The following PARD3 variants were observed in gnomAD, a reference collection of about 807,000 sequenced individuals.
PARD3 encodes the protein partitioning defective 3 homolog.
Under a neutral mutation model 155.4 loss-of-function variants are expected in PARD3, and 75 were observed. The observed-to-expected ratio is 0.48, with a 90% CI of 0.40 to 0.58. The LOEUF (loss-of-function observed/expected upper bound fraction) is 0.58, where lower values mean the gene tolerates loss of function less well. Among genes scored for constraint, PARD3 ranks in the 20% least tolerant of loss-of-function variants. PARD3 has a pLI of 0.00. For missense variants in PARD3, 1,642 were observed against 1,721.7 expected (o/e 0.95, Z 0.82); for synonymous variants, 576 against 610.5 (o/e 0.94, Z 0.83).
At chr10:34,639,418 G>GA (rs71903377) in intron 2 of PARD3, among the ~76,000 whole-genome samples, 26 of 151,756 alleles carry the variant, frequency 1.7e-4, no homozygotes, top group African/African-American at 4.6e-4. Flanking sequence ...AAAACACAAG[G>GA]AAAAAAAACA....
At chr10:34,690,735 C>A (rs564293044) in intron 2 of PARD3, among the ~76,000 whole-genome samples, 1 of 152,214 alleles carries the variant, frequency 6.6e-6, no homozygotes, top group East Asian at 1.9e-4. Context: ...ATGGCAGAAC[C>A]CCGAGGGAAA....
At chr10:34,464,020 A>G (rs1376382299) in intron 4 of PARD3, among the ~76,000 whole-genome samples, 2 of 151,854 alleles carry the variant, frequency 1.3e-5, no homozygotes, top group Non-Finnish European at 2.9e-5. Context: ...AATTCTCAGG[A>G]TGTATCTCTG....
intron 22 of PARD3, among the ~76,000 whole-genome samples, chr10:34,225,438 C>A (rs756697317): frequency 1.3e-5 from 2 of 151,952 alleles, no homozygotes; most frequent in Non-Finnish European, 2.9e-5. Flanking sequence ...CTCCACCTCC[C>A]GGGTTCAAGT....
intron 22 of PARD3, among the ~76,000 whole-genome samples, chr10:34,183,371 G>A (rs1950349000): frequency 6.6e-6 from 1 of 152,176 alleles, no homozygotes; most frequent in Admixed American, 6.5e-5. Context: ...ATAATTTTTA[G>A]GCAGATAGAA....
At chr10:34,364,184 A>G (rs1304292887) in intron 12 of PARD3, among the ~76,000 whole-genome samples, 4 of 152,238 alleles carry the variant, frequency 2.6e-5, no homozygotes, top group Non-Finnish European at 5.9e-5. Context: ...GCAGAAAAAC[A>G]ATCATGGGAA....
rs954289392 is a variant in PARD3, at chr10:34,216,341, T to C, written c.3419+53316A>G. Among the ~76,000 whole-genome samples, 4 of 152,242 alleles carry C rather than the reference T, an allele frequency of 2.6e-5. 1 individual carries two copies. The South Asian group carries it at 8.3e-4, about 32-fold the overall frequency. ...TGGAAATTTTATAAATGGAACACTG[T>C]CAAATTTGTAAGCAACATTTTAGAC... On this transcript the variant is annotated intron_variant, in intron 22 of 24. Transcript: ENST00000374788.
At chr10:34,343,355 C>T (rs2134326589) in intron 15 of PARD3, 1 of 982,300 alleles carries the variant, frequency 1.0e-6, no homozygotes, top group Non-Finnish European at 1.2e-6. Flanking sequence ...GATGGCCTAA[C>T]AAAGCAATAT....
intron 2 of PARD3, among the ~76,000 whole-genome samples, chr10:34,611,068 T>C (rs891115999): frequency 6.6e-6 from 1 of 152,150 alleles, no homozygotes; most frequent in Non-Finnish European, 1.5e-5. Context: ...TTTAGCAGAG[T>C]TGAAACCGGT....
chr10:34,674,319 T>C (rs1026653814), intron 2 of PARD3, among the ~76,000 whole-genome samples: 1 of 152,018 alleles, frequency 6.6e-6, no homozygotes, highest in African/African-American at 2.4e-5. Flanking sequence ...TTAATTTGCA[T>C]TAATTAAAAG....
At chr10:34,691,952 G>T (rs2094070008) in intron 2 of PARD3, among the ~76,000 whole-genome samples, 1 of 152,208 alleles carries the variant, frequency 6.6e-6, no homozygotes, top group African/African-American at 2.4e-5. Context: ...AATTCAAAGG[G>T]CTGGGCATGG....
intron 5 of PARD3, among the ~76,000 whole-genome samples, chr10:34,438,217 T>C (rs1188796397): frequency 6.6e-6 from 1 of 152,172 alleles, no homozygotes; most frequent in African/African-American, 2.4e-5. Flanking sequence ...ACGATTAAAC[T>C]TATGCACAAG....
At chr10:34,458,007 C>T (rs2077427613) in intron 4 of PARD3, among the ~76,000 whole-genome samples, 2 of 152,136 alleles carry the variant, frequency 1.3e-5, no homozygotes, top group Admixed American at 1.3e-4. Context: ...GTCACTGCTA[C>T]ACAAGCATCC....
intron 20 of PARD3, among the ~76,000 whole-genome samples, chr10:34,301,546 C>A (rs1012628096): frequency 6.6e-6 from 1 of 152,096 alleles, no homozygotes; most frequent in Admixed American, 6.5e-5. Flanking sequence ...CCTCTATACG[C>A]ACTTCCCAGA....
intron 1 of PARD3, among the ~76,000 whole-genome samples, chr10:34,698,820 T>C (rs548127110): frequency 2.0e-5 from 3 of 152,352 alleles, no homozygotes; most frequent in African/African-American, 7.2e-5. Context: ...ACAAAACCTT[T>C]TGTTGACACT....
At chr10:34,691,943 A>G (rs2094069884) in intron 2 of PARD3, among the ~76,000 whole-genome samples, 1 of 152,220 alleles carries the variant, frequency 6.6e-6, no homozygotes, top group African/African-American at 2.4e-5. Context: ...ATAAAAATCA[A>G]TTCAAAGGGC....
rs34639631 is a variant in PARD3, at chr10:34,121,065, GA to G, written c.3541-1326del. Among the ~76,000 whole-genome samples the G allele has an allele frequency of 1.7e-3, 207 of 124,778 alleles. 1 individual carries two copies. The highest frequency in any genetic ancestry group is 0.012 in the East Asian group (47 of 3,886). The allele number at this position is 124,778 out of a possible 152,430, so 81.9% of individuals were successfully genotyped here. A position where few individuals can be genotyped will look rare whatever the true frequency, so the allele number is the denominator to read the frequency against. Reference sequence around the variant, plus strand: ...GGTGCAAGACCCTGTCTCAAAAAAAGAAAAAAAAAAAAGGAAAAACGAAAAG... The same window carrying G: ...GGTGCAAGACCCTGTCTCAAAAAAAGAAAAAAAAAAAGGAAAAACGAAAAG... On this transcript the variant is annotated intron_variant, in intron 23 of 24. Transcript: ENST00000374788.
intron 5 of PARD3, among the ~76,000 whole-genome samples, chr10:34,432,607 G>T (rs2076004019): frequency 6.6e-6 from 1 of 152,034 alleles, no homozygotes; most frequent in Non-Finnish European, 1.5e-5. Context: ...GCTATATATG[G>T]CCCAGATCCA....
chr10:34,797,242 T>C (rs1842366244), intron 1 of PARD3, among the ~76,000 whole-genome samples: 1 of 152,122 alleles, frequency 6.6e-6, no homozygotes, highest in Non-Finnish European at 1.5e-5. Flanking sequence ...CCTTGAACTC[T>C]TGGGCTCAAG....
chr10:34,649,647 G>C (rs1192556375), intron 2 of PARD3, among the ~76,000 whole-genome samples: 4 of 152,228 alleles, frequency 2.6e-5, no homozygotes, highest in Non-Finnish European at 5.9e-5. Context: ...AAAGGCATGA[G>C]TGTACACCAC....
Sources: allele counts gnomAD v4.1 joint callset (sites outside exome capture counted in the v4.1 genomes callset), GRCh38; gene constraint gnomAD v4.1.1; transcripts MANE v1.5; gene names NCBI Gene and HGNC (gene_info 2026-07-23, HGNC 2026-07-21).